Variants in OOSP3 observed in about 807,000 individuals in gnomAD.
OOSP3 encodes the protein oocyte secreted protein family member 3.
At chr11:59,879,565 T>C (rs1301243616) in intron 1 of OOSP3, among the ~76,000 whole-genome samples, 3 of 152,170 alleles carry the variant, frequency 2.0e-5, no homozygotes, top group Non-Finnish European at 4.4e-5. Context: ...CTATAGGATA[T>C]GTTTTTGTCT....
At chr11:59,883,777 C>A (rs1038027489) in intron 2 of OOSP3, among the ~76,000 whole-genome samples, 2 of 152,122 alleles carry the variant, frequency 1.3e-5, no homozygotes, top group South Asian at 2.1e-4. Context: ...CTCCTATTAT[C>A]CCCATTGTAC....
At chr11:59,890,232 C>T (rs1249452296) in intron 2 of OOSP3, among the ~76,000 whole-genome samples, 1 of 152,112 alleles carries the variant, frequency 6.6e-6, no homozygotes, top group African/African-American at 2.4e-5. Context: ...TTTTATCCAG[C>T]TTGCCATTCT....
At chr11:59,894,366 G>C (rs1044810339) in intron 3 of OOSP3, among the ~76,000 whole-genome samples, 190 bp downstream of exon 3, 1 of 152,154 alleles carries the variant, frequency 6.6e-6, no homozygotes, top group Non-Finnish European at 1.5e-5. Flanking sequence ...AAATGCCCTG[G>C]GACCCCCCCT....
chr11:59,893,441 C>T (rs1361540173), intron 2 of OOSP3, among the ~76,000 whole-genome samples: 1 of 152,160 alleles, frequency 6.6e-6, no homozygotes, highest in Non-Finnish European at 1.5e-5. Flanking sequence ...TCACAGCTCA[C>T]TGCAACCTCC....
chr11:59,880,376 C>A (rs1853188299), exon 2 of OOSP3: 1 of 398,358 alleles, frequency 2.5e-6, no homozygotes, highest in Non-Finnish European at 4.4e-6. Flanking sequence ...GTCCTGTAAC[C>A]AATGTAACTG....
chr11:59,894,228 A>C (rs1853336569), intron 3 of OOSP3, 52 bp downstream of exon 3: 3 of 398,206 alleles, frequency 7.5e-6, no homozygotes, highest in Non-Finnish European at 1.3e-5. Context: ...GAACTAATGA[A>C]AAGGAAAACA....
chr11:59,885,180 G>C (rs932673502), intron 2 of OOSP3, among the ~76,000 whole-genome samples: 3 of 152,060 alleles, frequency 2.0e-5, no homozygotes, highest in East Asian at 3.9e-4. Flanking sequence ...ATTGATTTTT[G>C]TATGTGGAGC....
At chr11:59,888,921 G>A (rs1381412836) in intron 2 of OOSP3, among the ~76,000 whole-genome samples, 4 of 151,890 alleles carry the variant, frequency 2.6e-5, no homozygotes, top group Admixed American at 1.3e-4. Flanking sequence ...TAAATCCAAC[G>A]GGTCCTGGGC....
At chr11:59,895,594 A>C in exon 4 of OOSP3, 1 of 398,458 alleles carries the variant, frequency 2.5e-6, no homozygotes, top group Non-Finnish European at 4.4e-6. Flanking sequence ...TCTCCCTGGA[A>C]CTTAACCAAC....
chr11:59,893,343 A>G (rs1009292910), intron 2 of OOSP3, among the ~76,000 whole-genome samples: 3 of 152,210 alleles, frequency 2.0e-5, no homozygotes, highest in Non-Finnish European at 4.4e-5. Context: ...TAAATCTTTG[A>G]CCATAACTGT....
intron 3 of OOSP3, among the ~76,000 whole-genome samples, chr11:59,894,525 A>G (rs1291826565): frequency 6.6e-6 from 1 of 152,202 alleles, no homozygotes; most frequent in Non-Finnish European, 1.5e-5. Flanking sequence ...TGAGTCAGGG[A>G]TAAACTTGGA....
At chr11:59,887,211 C>G (rs894987892) in intron 2 of OOSP3, among the ~76,000 whole-genome samples, 1 of 151,692 alleles carries the variant, frequency 6.6e-6, no homozygotes, top group Non-Finnish European at 1.5e-5. Flanking sequence ...AAATTTTCTC[C>G]CATTCTGTAG....
At chr11:59,879,916 G>A (rs888616909) in intron 1 of OOSP3, among the ~76,000 whole-genome samples, 2 of 152,150 alleles carry the variant, frequency 1.3e-5, no homozygotes, top group African/African-American at 4.8e-5. Context: ...GCCTAATTAT[G>A]TAAACTCAAG....
intron 2 of OOSP3, among the ~76,000 whole-genome samples, chr11:59,892,682 C>T (rs185535781): frequency 8.6e-4 from 131 of 151,786 alleles, no homozygotes; most frequent in Admixed American, 2.9e-3. Context: ...AGTCAAATAA[C>T]CAGCATTTCA....
At chr11:59,894,841 G>A (rs565484138) in intron 3 of OOSP3, among the ~76,000 whole-genome samples, 42 of 152,148 alleles carry the variant, frequency 2.8e-4, no homozygotes, top group African/African-American at 8.9e-4. Context: ...CTGCCACCCC[G>A]CAGATCAGGG....
intron 2 of OOSP3, among the ~76,000 whole-genome samples, chr11:59,891,248 T>C (rs1347260590): frequency 6.6e-6 from 1 of 152,232 alleles, no homozygotes; most frequent in East Asian, 1.9e-4. Context: ...AAGTTCATTA[T>C]TACCCACTTT....
intron 3 of OOSP3, among the ~76,000 whole-genome samples, chr11:59,894,379 A>C (rs1853338367): frequency 6.6e-6 from 1 of 152,098 alleles, no homozygotes; most frequent in Non-Finnish European, 1.5e-5. Context: ...CCCCCCCTTA[A>C]TATTTCTGTT....
chr11:59,891,533 G>T (rs12277676), intron 2 of OOSP3, among the ~76,000 whole-genome samples: 42,016 of 152,066 alleles, frequency 0.28, 6,529 homozygotes, highest in Middle Eastern at 0.51. Context: ...GCTTCTGCAA[G>T]CCTGCTGCAG....
intron 2 of OOSP3, among the ~76,000 whole-genome samples, chr11:59,882,943 G>T (rs191605014): frequency 6.6e-6 from 1 of 152,152 alleles, no homozygotes; most frequent in East Asian, 1.9e-4. Context: ...CTATATCATA[G>T]CATGTCTCAA....
Sources: allele counts gnomAD v4.1 joint callset (sites outside exome capture counted in the v4.1 genomes callset), GRCh38; gene constraint gnomAD v4.1.1; transcripts MANE v1.5; gene names NCBI Gene and HGNC (gene_info 2026-07-23, HGNC 2026-07-21).